The following FAT3 variants were observed in gnomAD, a reference collection of about 807,000 sequenced individuals.
FAT3 encodes protocadherin Fat 3.
FAT3 carries 95 observed loss-of-function variants against 310.2 expected under a neutral mutation model. The ratio of observed to expected loss-of-function variants is 0.31; its 90% CI spans 0.26 to 0.36. The LOEUF (loss-of-function observed/expected upper bound fraction) is 0.36, where lower values mean the gene tolerates loss of function less well. FAT3 is among the 10% of genes least tolerant of loss of function. The pLI, the probability that FAT3 is intolerant of heterozygous loss-of-function variation, is 1.00. For synonymous variants in FAT3, 2,314 were observed against 2,192.9 expected (o/e 1.06, Z -1.54); for missense variants, 5,408 against 5,715.6 (o/e 0.95, Z 1.74).
intron 3 of FAT3, among the ~76,000 whole-genome samples, chr11:92,527,101 G>T (rs1953892061): frequency 6.6e-6 from 1 of 152,160 alleles, no homozygotes; most frequent in Non-Finnish European, 1.5e-5. Flanking sequence ...GGGTTGGTGG[G>T]AGTGATGGTC....
chr11:92,674,028 A>G (rs985620925), intron 3 of FAT3, among the ~76,000 whole-genome samples: 5 of 151,910 alleles, frequency 3.3e-5, no homozygotes, highest in African/African-American at 7.3e-5. Flanking sequence ...TAAAAATACA[A>G]AAATTAGCCG....
intron 1 of FAT3, among the ~76,000 whole-genome samples, chr11:92,261,078 G>A (rs1865533338): frequency 6.6e-6 from 1 of 152,174 alleles, no homozygotes; most frequent in East Asian, 1.9e-4. Context: ...AAAATGCTGT[G>A]ACAATGTACT....
intron 3 of FAT3, among the ~76,000 whole-genome samples, chr11:92,654,033 T>C (rs1942483115): frequency 6.6e-6 from 1 of 152,254 alleles, no homozygotes; most frequent in Non-Finnish European, 1.5e-5. Flanking sequence ...GTTTATTTCT[T>C]TTTCTGTAGC....
intron 2 of FAT3, among the ~76,000 whole-genome samples, chr11:92,492,893 T>C (rs912743585): frequency 1.3e-5 from 2 of 152,112 alleles, no homozygotes; most frequent in African/African-American, 2.4e-5. Context: ...CAAGATGTTC[T>C]GTGGGTTTCA....
chr11:92,416,966 G>A (rs1565299950), intron 2 of FAT3, among the ~76,000 whole-genome samples: 1 of 152,182 alleles, frequency 6.6e-6, no homozygotes, highest in African/African-American at 2.4e-5. Context: ...CGCCAGGGCA[G>A]CTTGGATGTG....
intron 1 of FAT3, among the ~76,000 whole-genome samples, chr11:92,312,628 AC>A (rs1033678434): frequency 2.0e-5 from 3 of 152,200 alleles, no homozygotes; most frequent in African/African-American, 7.2e-5. Flanking sequence ...TATGGAGAGA[AC>A]CCAGCAAATT....
chr11:92,401,517 A>G (rs1950012432), intron 2 of FAT3, among the ~76,000 whole-genome samples: 1 of 152,228 alleles, frequency 6.6e-6, no homozygotes, highest in African/African-American at 2.4e-5. Flanking sequence ...TAACCAGGAA[A>G]GGGACTAGAG....
rs191482921 is a variant in FAT3 at position 92,251,961 on chromosome 11, T to G, written c.-18+26787T>G. Reference sequence around the variant, plus strand: ...ATTAGTATGCTTGGGAAACCATATCTTTTCTTCTATTTTGCTTTAACAGGC... The same window carrying G: ...ATTAGTATGCTTGGGAAACCATATCGTTTCTTCTATTTTGCTTTAACAGGC... On this transcript the variant is annotated intron_variant, in intron 1 of 27. Transcript: ENST00000525166. Among the ~76,000 whole-genome samples the G allele has an allele frequency of 2.0e-5, 3 of 152,318 alleles. No homozygotes were observed. In the East Asian group the frequency reaches 5.8e-4, roughly 29 times the overall value.
chr11:92,413,712 T>G (rs1950347601), intron 2 of FAT3, among the ~76,000 whole-genome samples: 1 of 152,032 alleles, frequency 6.6e-6, no homozygotes, highest in Non-Finnish European at 1.5e-5. Context: ...AGTATCGGGG[T>G]GGGTTTGCTG....
chr11:92,250,339 A>T (rs1054464680), intron 1 of FAT3, among the ~76,000 whole-genome samples: 1 of 152,136 alleles, frequency 6.6e-6, no homozygotes, highest in Non-Finnish European at 1.5e-5. Context: ...TGAACACTGA[A>T]GGGAGAGTAT....
intron 3 of FAT3, among the ~76,000 whole-genome samples, chr11:92,615,332 C>T (rs1250443314): frequency 6.6e-6 from 1 of 152,210 alleles, no homozygotes; most frequent in East Asian, 1.9e-4. Context: ...CTGCAACCTC[C>T]GCCTCCTGGG....
chr11:92,277,872 A>T (rs12287048), intron 1 of FAT3, among the ~76,000 whole-genome samples: 14,253 of 142,828 alleles, frequency 0.1, 1,083 homozygotes, highest in African/African-American at 0.25. Context: ...TTTTTTTTTA[A>T]AAAAAAAAGG....
intron 2 of FAT3, among the ~76,000 whole-genome samples, chr11:92,429,137 C>T (rs1320632759): frequency 6.6e-6 from 1 of 152,026 alleles, no homozygotes; most frequent in East Asian, 1.9e-4. Context: ...ATGTAGTGCC[C>T]TTCTTTGTCC....
intron 4 of FAT3, among the ~76,000 whole-genome samples, chr11:92,758,564 A>G (rs189016231): frequency 6.6e-6 from 1 of 152,354 alleles, no homozygotes; most frequent in East Asian, 1.9e-4. Flanking sequence ...CTGATCAACA[A>G]AGCCAGATGC....
At chr11:92,640,039 A>G (rs186291106) in intron 3 of FAT3, among the ~76,000 whole-genome samples, 1 of 152,102 alleles carries the variant, frequency 6.6e-6, no homozygotes, top group East Asian at 1.9e-4. Context: ...CCTACTTATC[A>G]TTTTAATACC....
chr11:92,309,220 G>C (rs1410635210), intron 1 of FAT3, among the ~76,000 whole-genome samples: 1 of 136,342 alleles, frequency 7.3e-6, no homozygotes. Flanking sequence ...AGAGTGCACC[G>C]GCTTGGCGGT....
chr11:92,315,475 GTGTGTATA>G (rs1472897412), intron 1 of FAT3, among the ~76,000 whole-genome samples: 67 of 76,590 alleles, frequency 8.7e-4, no homozygotes, highest in African/African-American at 4.2e-3. Context: ...GTGTGTGTGT[GTGTGTATA>G]TATATATATA....
intron 4 of FAT3, among the ~76,000 whole-genome samples, chr11:92,703,464 A>C (rs1318341270): frequency 6.6e-6 from 1 of 152,166 alleles, no homozygotes; most frequent in Non-Finnish European, 1.5e-5. Context: ...ATGGGCCCTC[A>C]AAAAATGGCA....
At chr11:92,698,148 A>T (rs1268182753) in intron 4 of FAT3, among the ~76,000 whole-genome samples, 1 of 152,158 alleles carries the variant, frequency 6.6e-6, no homozygotes, top group Non-Finnish European at 1.5e-5. Context: ...CGATGCTTAG[A>T]ACTCAAGGCT....
Sources: gnomAD v4.1 joint callset for allele counts (sites outside exome capture counted in the v4.1 genomes callset) on GRCh38, gnomAD v4.1.1 for gene constraint, MANE v1.5 for transcripts, NCBI Gene and HGNC (gene_info 2026-07-23, HGNC 2026-07-21) for gene names.